The following ATOSA variants were observed in gnomAD, a reference collection of about 807,000 sequenced individuals.
ATOSA encodes the protein atos homolog protein A.
the ATOSA span, among the ~76,000 whole-genome samples, chr15:52,591,256 G>A: frequency 6.6e-6 from 1 of 152,160 alleles, no homozygotes; most frequent in Non-Finnish European, 1.5e-5. Flanking sequence ...TTGAGATGGA[G>A]TTTTGCTCTT....
the ATOSA span, among the ~76,000 whole-genome samples, chr15:52,627,198 G>A: frequency 1.3e-5 from 2 of 152,134 alleles, no homozygotes; most frequent in African/African-American, 2.4e-5. Flanking sequence ...CTGTGAATGA[G>A]TCAGAAAATA....
the ATOSA span, chr15:52,608,720 C>T: frequency 6.2e-7 from 1 of 1,612,380 alleles, no homozygotes; most frequent in Non-Finnish European, 8.5e-7. Flanking sequence ...TTGAAACCTT[C>T]ATTATCTTTA....
chr15:52,597,323 C>G, the ATOSA span, among the ~76,000 whole-genome samples: 1 of 152,122 alleles, frequency 6.6e-6, no homozygotes, highest in Non-Finnish European at 1.5e-5. Context: ...AAAATTCATA[C>G]ACAAATGTTT....
the ATOSA span, among the ~76,000 whole-genome samples, chr15:52,643,854 A>G: frequency 6.6e-6 from 1 of 151,932 alleles, no homozygotes; most frequent in South Asian, 2.1e-4. Flanking sequence ...CGGAGGTTGC[A>G]GTGAGCCGAG....
At chr15:52,705,994 G>A in the ATOSA span, among the ~76,000 whole-genome samples, 1 of 151,934 alleles carries the variant, frequency 6.6e-6, no homozygotes, top group African/African-American at 2.4e-5. Flanking sequence ...GTACATTTGG[G>A]TCATTTCCAG....
At chr15:52,600,368 C>T in the ATOSA span, 1 of 520,630 alleles carries the variant, frequency 1.9e-6, no homozygotes, top group East Asian at 3.2e-5. Flanking sequence ...GCTCAAACTC[C>T]TGGCTTCAGG....
At chr15:52,634,023 T>C in the ATOSA span, among the ~76,000 whole-genome samples, 1 of 151,952 alleles carries the variant, frequency 6.6e-6, no homozygotes, top group Non-Finnish European at 1.5e-5. Flanking sequence ...TTAAAAATAA[T>C]GTGCACCCTA....
At chr15:52,671,804 T>C in the ATOSA span, among the ~76,000 whole-genome samples, 3 of 151,420 alleles carry the variant, frequency 2.0e-5, no homozygotes, top group Non-Finnish European at 2.9e-5. Context: ...GAAAGGCTTT[T>C]TAGGCAGAAG....
chr15:52,702,640 AG>A, the ATOSA span, among the ~76,000 whole-genome samples: 1 of 152,220 alleles, frequency 6.6e-6, no homozygotes, highest in Admixed American at 6.5e-5. Context: ...GAGTTGAAAA[AG>A]TAACTATTTG....
At chr15:52,619,535 A>C in the ATOSA span, among the ~76,000 whole-genome samples, 1 of 152,220 alleles carries the variant, frequency 6.6e-6, no homozygotes, top group African/African-American at 2.4e-5. Flanking sequence ...CCTTCTTACC[A>C]GTTACATGTT....
chr15:52,609,834 G>A, the ATOSA span: 2 of 1,613,854 alleles, frequency 1.2e-6, no homozygotes, highest in African/African-American at 1.3e-5. Context: ...CTATTAAAGG[G>A]TTAGTCTCAC....
chr15:52,631,137 T>C, the ATOSA span, among the ~76,000 whole-genome samples: 1 of 152,200 alleles, frequency 6.6e-6, no homozygotes. Flanking sequence ...ATGCTCTTTG[T>C]AGCTATGATA....
At chr15:52,610,223 T>A in the ATOSA span, 1 of 1,614,008 alleles carries the variant, frequency 6.2e-7, no homozygotes, top group Non-Finnish European at 8.5e-7. Context: ...CCAATATTAG[T>A]GTGAATACTG....
the ATOSA span, among the ~76,000 whole-genome samples, chr15:52,621,899 C>A: frequency 6.6e-6 from 1 of 151,146 alleles, no homozygotes; most frequent in East Asian, 1.9e-4. Context: ...GCTCAGGCTG[C>A]AGTGCAATGA....
the ATOSA span, among the ~76,000 whole-genome samples, chr15:52,673,109 G>C: frequency 2.0e-5 from 3 of 152,186 alleles, no homozygotes; most frequent in Non-Finnish European, 4.4e-5. Flanking sequence ...AAAAATAATA[G>C]CAGTTTACAT....
At chr15:52,629,016 T>A in the ATOSA span, among the ~76,000 whole-genome samples, 3 of 152,190 alleles carry the variant, frequency 2.0e-5, no homozygotes, top group South Asian at 6.2e-4. Context: ...ATAACAAACA[T>A]CTTGCCCTCG....
the ATOSA span, among the ~76,000 whole-genome samples, chr15:52,615,762 G>A: frequency 6.6e-6 from 1 of 152,176 alleles, no homozygotes; most frequent in Non-Finnish European, 1.5e-5. Context: ...TCTCTAAAGT[G>A]ACCATTTGGA....
the ATOSA span, among the ~76,000 whole-genome samples, chr15:52,626,671 T>A: frequency 4.6e-5 from 7 of 152,222 alleles, no homozygotes; most frequent in Non-Finnish European, 7.4e-5. Context: ...AGCAACATAA[T>A]GGTAAAGGGG....
chr15:52,662,518 C>A, the ATOSA span, among the ~76,000 whole-genome samples: 1 of 152,132 alleles, frequency 6.6e-6, no homozygotes, highest in Non-Finnish European at 1.5e-5. Flanking sequence ...AGCCTGTAAT[C>A]CCAGCACTTT....
Sources: allele counts gnomAD v4.1 joint callset (sites outside exome capture counted in the v4.1 genomes callset), GRCh38; gene constraint gnomAD v4.1.1; transcripts MANE v1.5; gene names NCBI Gene and HGNC (gene_info 2026-07-23, HGNC 2026-07-21).